Variants in ABHD8 observed in about 807,000 individuals in gnomAD.
ABHD8 encodes abhydrolase domain containing 8.
ABHD8 carries 10 observed loss-of-function variants against 29.3 expected under a neutral mutation model. That is an observed-to-expected ratio of 0.34 (90% confidence interval 0.21 to 0.58). The LOEUF (loss-of-function observed/expected upper bound fraction) is 0.58, where lower values mean the gene tolerates loss of function less well. Ranked by LOEUF, ABHD8 falls within the 20% of genes least tolerant of loss-of-function variation. The pLI is 0.85. For synonymous variants in ABHD8, 282 were observed against 274.6 expected (o/e 1.03, Z -0.27); for missense variants, 556 against 615.3 (o/e 0.90, Z 1.02).
intron 2 of ABHD8, chr19:17,296,292 G>C (rs931212672): frequency 6.6e-6 from 1 of 152,298 alleles, no homozygotes; most frequent in South Asian, 2.1e-4. Flanking sequence ...GGGCTCAAGT[G>C]ATCCTTCCAC....
chr19:17,292,615 C>G lies in ABHD8; in HGVS notation c.*46G>C. ...GACCTGGCGCAGGCTCGGGCCTCCTCCTGCTGCGGCTGTGCTCACCAAGCG... is the reference window on the plus strand; with the variant it reads ...GACCTGGCGCAGGCTCGGGCCTCCTGCTGCTGCGGCTGTGCTCACCAAGCG... On this transcript the variant is annotated 3_prime_UTR_variant, in exon 5 of 5. Coordinates refer to ENST00000247706, the MANE Select transcript of ABHD8 (RefSeq NM_024527.5). The G allele has an allele frequency of 6.4e-7, 1 of 1,555,348 alleles. No individual in the cohort carries two copies. The highest frequency in any genetic ancestry group is 8.7e-7 in the Non-Finnish European group (1 of 1,151,618).
rs2074085780 is a variant in ABHD8, at chr19:17,294,679, G to T, written c.928C>A (p.Leu310Ile). ...CTTTGGGGTGGGGACACTCACTTGAGGAAGCTCCAGGCCAGGCAGGGCGAC... is the reference window on the plus strand; with the variant it reads ...CTTTGGGGTGGGGACACTCACTTGATGAAGCTCCAGGCCAGGCAGGGCGAC... Reference protein sequence around the residue: ...CLSPCLAWSFLKAGFARQGAK... With the variant: ...CLSPCLAWSFIKAGFARQGAK... Residue 310 changes from leucine (L) to isoleucine (I), a missense_variant, in exon 3 of 5, where the codon CTC becomes ATC. Leu to Ile is a conservative substitution (Grantham distance 5). This residue lies in a region of ABHD8 where 270 missense variants were observed against 353.9 expected (regional missense o/e 0.76). Coordinates refer to ENST00000247706, the MANE Select transcript of ABHD8 (RefSeq NM_024527.5). 6.2e-7 allele frequency: 1 copy of T among 1,613,782 alleles called. No homozygotes were observed. The highest frequency in any genetic ancestry group is 8.5e-7 in the Non-Finnish European group (1 of 1,179,872).
chr19:17,299,087 C>T (rs892875157), intron 2 of ABHD8, among the ~76,000 whole-genome samples: 7 of 152,042 alleles, frequency 4.6e-5, no homozygotes, highest in Non-Finnish European at 1.0e-4. Context: ...TCAGTGATGA[C>T]GGAAATCCCT....
chr19:17,294,651 G>A (rs771790599), intron 3 of ABHD8, 24 bp downstream of exon 3: 14 of 1,611,388 alleles, frequency 8.7e-6, no homozygotes, highest in Middle Eastern at 1.7e-4. Flanking sequence ...CCAGGATCAC[G>A]GTCTTTGGGG....
intron 4 of ABHD8, 24 bp from the exon 5 acceptor site, chr19:17,292,855 G>A (rs780574094): frequency 2.2e-5 from 35 of 1,602,756 alleles, no homozygotes; most frequent in Non-Finnish European, 2.5e-5. Flanking sequence ...AGGGCTCAAG[G>A]TAGGCGGGGG....
chr19:17,301,159 C>A lies in ABHD8; in HGVS notation c.458G>T (p.Arg153Leu), dbSNP rs754863962. The change falls in exon 2 of 5, where the codon CGC (arginine) becomes CTC (leucine). Residue 153 changes from arginine to leucine, a missense_variant. Coordinates refer to ENST00000247706, the MANE Select transcript of ABHD8 (RefSeq NM_024527.5). ...GSGGRRRRAR[R>L]PKRTIHIDCE... ...GTCAATATGGATGGTCCTCTTGGGGCGCCTGGCTCGCCGCCGCCGCCCACC... is the reference window on the plus strand; with the variant it reads ...GTCAATATGGATGGTCCTCTTGGGGAGCCTGGCTCGCCGCCGCCGCCCACC... 2.5e-6 allele frequency: 4 copies of A among 1,610,464 alleles called. No individual in the cohort carries two copies. In the East Asian group the frequency reaches 6.7e-5, roughly 27 times the overall value.
intron 2 of ABHD8, chr19:17,297,796 A>T: frequency 7.8e-6 from 1 of 128,062 alleles, no homozygotes; most frequent in African/African-American, 3.0e-5. Context: ...GATCTTGCTT[A>T]TGTTGCCCAG....
At chr19:17,295,962 T>C (rs1304315916) in intron 2 of ABHD8, among the ~76,000 whole-genome samples, 1 of 151,872 alleles carries the variant, frequency 6.6e-6, no homozygotes, top group African/African-American at 2.4e-5. Context: ...CCTCTGGCCT[T>C]AACCTCCCAA....
rs1407363673 is a variant in ABHD8 at position 17,292,843 on chromosome 19, G to T, written c.1150-12C>A. The T allele has an allele frequency of 5.6e-6, 9 of 1,608,876 alleles. No individual in the cohort carries two copies. The highest frequency in any genetic ancestry group is 7.6e-6 in the Non-Finnish European group (9 of 1,177,014). On this transcript the variant is annotated splice_polypyrimidine_tract_variant and intron_variant, in intron 4 of 4. Transcript: ENST00000247706. ...GCCAGGAGCAGGATCTGCAGAAGACGCAGGGCTCAAGGTAGGCGGGGGCAA... is the reference window on the plus strand; with the variant it reads ...GCCAGGAGCAGGATCTGCAGAAGACTCAGGGCTCAAGGTAGGCGGGGGCAA...
rs759594879 is a variant in ABHD8 at position 17,300,921 on chromosome 19, C to T, written c.696G>A (p.Glu232=). The T allele has an allele frequency of 3.7e-6, 6 of 1,611,434 alleles. No homozygotes were observed. Among genetic ancestry groups the T allele is most frequent in the Non-Finnish European group, 5.1e-6 (6 of 1,178,616 alleles). The change falls in exon 2 of 5, where the codon GAG becomes GAA. Residue 232 remains glutamate (E), a synonymous_variant. Transcript: ENST00000247706. ...AAAYTFYALA[E]DMRAIFKRYA... is the part of the protein sequence containing the mutation. ...AGCGCTTGAAGATTGCTCGCATGTC[C>T]TCAGCCAGCGCATAGAAGGTGTAGG...
In ABHD8 at chr19:17,300,899, G is replaced by A. The variant is rs1430932500; in HGVS notation, c.718C>T (p.Arg240Cys). The change falls in exon 2 of 5, where the codon CGC (arginine) becomes TGC (cysteine). Residue 240 changes from arginine to cysteine, a missense_variant. Transcript: ENST00000247706. ...AGCACATTTCGCTTCTTGGCATAGC[G>A]CTTGAAGATTGCTCGCATGTCCTCA... Reference protein sequence around the residue: ...LAEDMRAIFKRYAKKRNVLIG... With the variant: ...LAEDMRAIFKCYAKKRNVLIG... The A allele has an allele frequency of 5.0e-6, 8 of 1,606,762 alleles. No homozygotes were observed. The highest frequency in any genetic ancestry group is 3.4e-5 in the Admixed American group (2 of 59,290).
intron 1 of ABHD8, among the ~76,000 whole-genome samples, chr19:17,302,539 G>C (rs984280210): frequency 3.3e-5 from 5 of 152,210 alleles, no homozygotes; most frequent in African/African-American, 4.8e-5. Flanking sequence ...CCTAGGAGAG[G>C]GGGATGGGGA....
In ABHD8 at chr19:17,301,021, A is replaced by T. The variant is rs1348144597; in HGVS notation, c.596T>A (p.Val199Glu). Reference protein sequence around the residue: ...AIWKEQLDFFVRLGYEVVAPD... With the variant: ...AIWKEQLDFFERLGYEVVAPD... Reference sequence around the variant, plus strand: ...AGCCACCACCTCATAGCCTAGGCGCACAAAGAAGTCCAGCTGCTCCTTCCA... The same window carrying T: ...AGCCACCACCTCATAGCCTAGGCGCTCAAAGAAGTCCAGCTGCTCCTTCCA... Residue 199 changes from valine to glutamate, a missense_variant, in exon 2 of 5, where the codon GTG becomes GAG. By Grantham distance (121) the Val-to-Glu change is moderately radical. Around this residue, in one of 2 missense-constraint regions of ABHD8, gnomAD observed 270 missense variants for 353.9 expected, o/e 0.76. Transcript: ENST00000247706. The T allele has an allele frequency of 1.9e-6, 3 of 1,613,374 alleles. No individual in the cohort carries two copies. The highest frequency in any genetic ancestry group is 1.3e-5 in the African/African-American group (1 of 74,938).
Position 17,292,708 on chromosome 19 carries a change from T to G in ABHD8, c.1273A>C (p.Lys425Gln). 6.2e-7 allele frequency: 1 copy of G among 1,613,296 alleles called. No homozygotes were observed. Among genetic ancestry groups the G allele is most frequent in the Non-Finnish European group, 8.5e-7 (1 of 1,179,816 alleles). Residue 425 changes from lysine (K) to glutamine (Q), a missense_variant, in exon 5 of 5, where the codon AAG becomes CAG. Around this residue, in one of 2 missense-constraint regions of ABHD8, gnomAD observed 270 missense variants for 353.9 expected, o/e 0.76. Transcript: ENST00000247706. Reference protein sequence around the residue: ...FLLWEPEPSPKALPEPLPAPP... With the variant: ...FLLWEPEPSPQALPEPLPAPP... The stretch of plus-strand genomic sequence containing the variant: ...GCCGGCAGTGGCTCCGGTAGAGCCT[T>G]GGGCGAGGGCTCGGGCTCCCAGAGC...
rs544329143 is a variant in ABHD8 at position 17,294,602 on chromosome 19, C to G, written c.932+73G>C. On this transcript the variant is annotated intron_variant, in intron 3 of 4. Coordinates refer to ENST00000247706, the MANE Select transcript of ABHD8 (RefSeq NM_024527.5). ...CCTAGTCCCAGCGGTACAGTCCCCC[C>G]TCCCATCCAACTCGAGCAGATGCCT... 5.0e-6 allele frequency: 8 copies of G among 1,606,654 alleles called. No homozygotes were observed. The East Asian group carries it at 1.6e-4, about 31-fold the overall frequency.
In ABHD8 at chr19:17,292,199, A is replaced by AT. The variant is rs1259845991; in HGVS notation, c.*461dup. The AT allele has an allele frequency of 2.2e-5, 4 of 182,694 alleles. No individual in the cohort carries two copies. Among genetic ancestry groups the AT allele is most frequent in the South Asian group, 1.8e-4 (1 of 5,518 alleles). 11.3% of individuals were successfully genotyped at this position (182,694 alleles called of 1,614,324 possible). A position where few individuals can be genotyped will look rare whatever the true frequency, so the allele number is the denominator to read the frequency against. ...CAGGTTCGGTGGCGCCAGCCCCCCC[A>AT]TCCCCCCCCCTTGGGCAAAAATAGC... is the stretch of plus-strand genomic sequence containing the variant. On this transcript the variant is annotated 3_prime_UTR_variant, in exon 5 of 5. Coordinates refer to ENST00000247706, the MANE Select transcript of ABHD8 (RefSeq NM_024527.5).
rs746107446 is a variant in ABHD8, at chr19:17,301,434, T to C, written c.183A>G (p.Ser61=). ...CCTGGGCTGCATCCGAGGATGCGGATGATGGTGGAGGTGGGGCAGCGGCTG... is the reference window on the plus strand; with the variant it reads ...CCTGGGCTGCATCCGAGGATGCGGACGATGGTGGAGGTGGGGCAGCGGCTG... ...PAPAAAPPPP[S]SASSDAAQGD... Residue 61 remains serine, a synonymous_variant, in exon 2 of 5, where the codon TCA becomes TCG. Coordinates refer to ENST00000247706, the MANE Select transcript of ABHD8 (RefSeq NM_024527.5). 13 of 1,612,094 alleles carry C rather than the reference T, an allele frequency of 8.1e-6. No individual in the cohort carries two copies. The highest frequency in any genetic ancestry group is 3.4e-6 in the Non-Finnish European group (4 of 1,179,828).
chr19:17,299,140 C>T (rs62126253), intron 2 of ABHD8, among the ~76,000 whole-genome samples: 47,830 of 151,664 alleles, frequency 0.32, 8,473 homozygotes, highest in Middle Eastern at 0.4. Context: ...CCTGGTATAG[C>T]GGCTCATGCC....
chr19:17,303,016 GC>G (rs1156577152), intron 1 of ABHD8: 1 of 152,182 alleles, frequency 6.6e-6, no homozygotes, highest in Non-Finnish European at 1.5e-5. Flanking sequence ...CTCGAGTGGG[GC>G]CCTAATCCCG....
Sources: gnomAD v4.1 joint callset for allele counts (sites outside exome capture counted in the v4.1 genomes callset) on GRCh38, gnomAD v4.1.1 for gene constraint, gnomAD v4.1.1 regional missense constraint, MANE v1.5 for transcripts, NCBI Gene and HGNC (gene_info 2026-07-23, HGNC 2026-07-21) for gene names.